Variants in ELAC1 observed in about 807,000 individuals in gnomAD.
ELAC1 encodes elaC ribonuclease Z 1, also known as zinc phosphodiesterase ELAC protein 1.
A neutral mutation model predicts 25.8 loss-of-function variants in ELAC1; 19 were observed. The observed-to-expected ratio is 0.74, with a 90% CI of 0.51 to 1.08. ELAC1 has a LOEUF of 1.08. Ranked by LOEUF, ELAC1 falls within the 50% of genes least tolerant of loss-of-function variation. The pLI, the probability that ELAC1 is intolerant of heterozygous loss-of-function variation, is 0.00. For missense variants in ELAC1, 403 were observed against 434.6 expected (o/e 0.93, Z 0.65); for synonymous variants, 148 against 160.9 (o/e 0.92, Z 0.61).
At chr18:50,985,554 C>T (rs1364960525) in intron 3 of ELAC1, among the ~76,000 whole-genome samples, 1 of 152,260 alleles carries the variant, frequency 6.6e-6, no homozygotes, top group Non-Finnish European at 1.5e-5. Flanking sequence ...TCTCCAGTGT[C>T]ACTGCCTTCA....
chr18:50,984,537 T>A lies in ELAC1; in HGVS notation c.599T>A (p.Leu200His). 1 of 1,613,440 alleles carries A rather than the reference T, an allele frequency of 6.2e-7. No homozygotes were observed. The highest frequency in any genetic ancestry group is 8.5e-7 in the Non-Finnish European group (1 of 1,179,808). Residue 200 changes from leucine to histidine, a missense_variant, in exon 3 of 4, where the codon CTC (leucine) becomes CAC (histidine). Coordinates refer to ENST00000269466, the MANE Select transcript of ELAC1 (RefSeq NM_018696.3). ...GTGGAAAAGAAACGCCCAGGTAAAC[T>A]CAATGCACAGAAACTTAAAGACCTT... ...SVVEKKRPGK[L>H]NAQKLKDLGV...
chr18:50,976,257 G>T (rs142915150), intron 2 of ELAC1, among the ~76,000 whole-genome samples: 3 of 152,270 alleles, frequency 2.0e-5, no homozygotes, highest in African/African-American at 4.8e-5. Context: ...AGGGAGACCA[G>T]TTCCAAGGCA....
chr18:50,986,506 A>G (rs1007453100), intron 3 of ELAC1, 113 bp from the exon 4 acceptor site: 3 of 806,082 alleles, frequency 3.7e-6, no homozygotes, highest in South Asian at 1.9e-5. Flanking sequence ...TAAAACATTT[A>G]TAACAATTAT....
At chr18:50,968,455 T>C (rs1599141990) in intron 1 of ELAC1, 1 of 152,484 alleles carries the variant, frequency 6.6e-6, no homozygotes, top group Non-Finnish European at 1.5e-5. Context: ...GACAGCGATA[T>C]CTGCCCTAGG....
intron 2 of ELAC1, among the ~76,000 whole-genome samples, chr18:50,976,711 C>T (rs1297999395): frequency 1.3e-5 from 2 of 152,180 alleles, no homozygotes; most frequent in Non-Finnish European, 2.9e-5. Flanking sequence ...ATCATGCCTT[C>T]CCAATAGTCC....
At chr18:50,970,709 ATC>A (rs1486227558) in intron 1 of ELAC1, among the ~76,000 whole-genome samples, 1 of 151,586 alleles carries the variant, frequency 6.6e-6, no homozygotes, top group African/African-American at 2.4e-5. Flanking sequence ...AAAAAAAAAA[ATC>A]ATCAGCATTA....
chr18:50,975,563 T>C (rs1907779702), intron 2 of ELAC1, among the ~76,000 whole-genome samples: 1 of 151,512 alleles, frequency 6.6e-6, no homozygotes, highest in Admixed American at 6.6e-5. Flanking sequence ...CTACTAAGTA[T>C]ATAAATGATC....
chr18:50,973,242 A>G (rs925267844), intron 1 of ELAC1, among the ~76,000 whole-genome samples: 1 of 152,168 alleles, frequency 6.6e-6, no homozygotes, highest in African/African-American at 2.4e-5. Flanking sequence ...AGTTTTTCTT[A>G]AGCTTCTTTG....
chr18:50,982,759 G>A lies in ELAC1; in HGVS notation c.158-1337G>A, dbSNP rs183907786. ...CCCTTACATAATAGCTTAGGGGATC[G>A]GCTTTCCTGCATTCTGCCTTCTGTT... is the stretch of plus-strand genomic sequence containing the variant. On this transcript the variant is annotated intron_variant, in intron 2 of 3. Transcript: ENST00000269466. 4.6e-5 allele frequency among the ~76,000 whole-genome samples: 7 copies of A among 152,276 alleles called. No homozygotes were observed. The South Asian group carries it at 6.2e-4, about 14-fold the overall frequency.
rs779414686 is a variant in ELAC1 at position 50,986,952 on chromosome 18, C to CAGTT, written c.960_963dup (p.Ala322SerfsTer20). Reference sequence around the variant, plus strand: ...ACTCACTTCAGTCAGAGGTACAAACCAGTTGCCTTGGCCAGAGAAGGAGAA... The same window carrying CAGTT: ...ACTCACTTCAGTCAGAGGTACAAACCAGTTAGTTGCCTTGGCCAGAGAAGGAGAA... On this transcript the variant is annotated frameshift_variant, in exon 4 of 4. Coordinates refer to ENST00000269466, the MANE Select transcript of ELAC1 (RefSeq NM_018696.3). LOFTEE classifies it high-confidence loss of function. The CAGTT allele has an allele frequency of 6.2e-6, 10 of 1,613,920 alleles. No homozygotes were observed. The highest frequency in any genetic ancestry group is 1.3e-5 in the African/African-American group (1 of 74,910).
At chr18:50,972,049 C>CTT (rs547639489) in intron 1 of ELAC1, among the ~76,000 whole-genome samples, 120 of 122,810 alleles carry the variant, frequency 9.8e-4, no homozygotes, top group African/African-American at 3.3e-3. Flanking sequence ...GGGGTCCAAA[C>CTT]TTTTTTTTTT....
At chr18:50,970,333 ATTTG>A (rs1337561091) in intron 1 of ELAC1, among the ~76,000 whole-genome samples, 1 of 152,194 alleles carries the variant, frequency 6.6e-6, no homozygotes, top group Non-Finnish European at 1.5e-5. Context: ...TAAATCCATT[ATTTG>A]TTAGGGATGA....
chr18:50,982,426 A>G (rs1398406642), intron 2 of ELAC1, among the ~76,000 whole-genome samples: 1 of 152,248 alleles, frequency 6.6e-6, no homozygotes, highest in Non-Finnish European at 1.5e-5. Context: ...ATCACATTAC[A>G]GTAAACTATT....
chr18:50,983,097 G>A (rs1352787082), intron 2 of ELAC1, among the ~76,000 whole-genome samples: 1 of 150,312 alleles, frequency 6.7e-6, no homozygotes, highest in African/African-American at 2.5e-5. Context: ...AATACTTGAG[G>A]CCTATCTATT....
intron 1 of ELAC1, chr18:50,969,320 G>A (rs1433508057): frequency 6.6e-6 from 1 of 152,176 alleles, no homozygotes; most frequent in Non-Finnish European, 1.5e-5. Context: ...CCAGGATTTT[G>A]CTTTTTCCAT....
At chr18:50,973,472 C>A (rs1223021849) in intron 1 of ELAC1, among the ~76,000 whole-genome samples, 2 of 152,162 alleles carry the variant, frequency 1.3e-5, no homozygotes, top group Non-Finnish European at 2.9e-5. Flanking sequence ...AGTCCCAAGT[C>A]CTCGTGAGTC....
chr18:50,986,777 G>A lies in ELAC1; in HGVS notation c.784G>A (p.Gly262Arg). 6.2e-7 allele frequency: 1 copy of A among 1,614,170 alleles called. No homozygotes were observed. Among genetic ancestry groups the A allele is most frequent in the Non-Finnish European group, 8.5e-7 (1 of 1,180,028 alleles). ...GDCSGVVGDG[G>R]VKLCFEADLL... The stretch of plus-strand genomic sequence containing the variant: ...CTGCTCTGGGGTTGTGGGTGATGGA[G>A]GAGTAAAACTGTGCTTTGAAGCAGA... Residue 262 changes from glycine (G) to arginine (R), a missense_variant, in exon 4 of 4, where the codon GGA becomes AGA. Coordinates refer to ENST00000269466, the MANE Select transcript of ELAC1 (RefSeq NM_018696.3).
chr18:50,983,212 G>T (rs1908007025), intron 2 of ELAC1, among the ~76,000 whole-genome samples: 1 of 129,668 alleles, frequency 7.7e-6, no homozygotes, highest in East Asian at 2.4e-4. Context: ...GCCCAGGCTG[G>T]AGTGCAATGG....
intron 2 of ELAC1, among the ~76,000 whole-genome samples, chr18:50,977,044 G>C (rs534533470): frequency 6.6e-6 from 1 of 152,302 alleles, no homozygotes; most frequent in South Asian, 2.1e-4. Flanking sequence ...CCATTGTCTT[G>C]GGCAGCTCTA....
Sources: allele counts gnomAD v4.1 joint callset (sites outside exome capture counted in the v4.1 genomes callset), GRCh38; gene constraint gnomAD v4.1.1; transcripts MANE v1.5; gene names NCBI Gene and HGNC (gene_info 2026-07-23, HGNC 2026-07-21).